INSC: variants seen among roughly 807,000 people sequenced by gnomAD.
INSC encodes the protein INSC spindle orientation adaptor protein, also known as protein inscuteable homolog.
In INSC, 67 loss-of-function variants were observed where a neutral mutation model predicts 58.6. That is an observed-to-expected ratio of 1.14 (90% confidence interval 0.94 to 1.40). The LOEUF (loss-of-function observed/expected upper bound fraction) is 1.40. Among genes scored for constraint, INSC ranks in the 40% most tolerant of loss-of-function variants. The probability of loss-of-function intolerance (pLI) is 0.00; values close to 1 mark genes in which losing one functional copy is unlikely to be tolerated. For synonymous variants in INSC, 262 were observed against 276.1 expected (o/e 0.95, Z 0.51); for missense variants, 714 against 692.0 (o/e 1.03, Z -0.36).
In INSC at chr11:15,225,712, A is replaced by C. The variant is rs756478543; in HGVS notation, c.1054A>C (p.Ile352Leu). Reference protein sequence around the residue: ...FLLASAALANITFFDTMACEM... With the variant: ...FLLASAALANLTFFDTMACEM... ...ACTGGCCTCTGCGGCCCTTGCCAAC[A>C]TCACGTTCTTTGACACAATGGCCTG... is the stretch of plus-strand genomic sequence containing the variant. The change falls in exon 9 of 13, where the codon ATC (isoleucine) becomes CTC (leucine). Residue 352 changes from isoleucine to leucine, a missense_variant. Transcript: ENST00000379556. 6.2e-7 allele frequency: 1 copy of C among 1,614,168 alleles called. No individual in the cohort carries two copies. Among genetic ancestry groups the C allele is most frequent in the Non-Finnish European group, 8.5e-7 (1 of 1,180,022 alleles).
At chr11:15,197,465 C>T (rs1319666401) in intron 6 of INSC, among the ~76,000 whole-genome samples, 2 of 152,170 alleles carry the variant, frequency 1.3e-5, no homozygotes, top group Admixed American at 1.3e-4. Flanking sequence ...CTGGCATGCC[C>T]TGCACAGCAT....
In INSC at chr11:15,132,567, A is replaced by G. The variant is rs562017342; in HGVS notation, c.-45-16563A>G. On this transcript the variant is annotated intron_variant, in intron 1 of 12. Coordinates refer to ENST00000379556, the MANE Select transcript of INSC (RefSeq NM_001042536.3). Reference sequence around the variant, plus strand: ...TTTCCTAAGTACTGGAATTACAGGCATGAGTCAACGTGCCCGGCCCTGTAA... The same window carrying G: ...TTTCCTAAGTACTGGAATTACAGGCGTGAGTCAACGTGCCCGGCCCTGTAA... Among the ~76,000 whole-genome samples, 162 of 152,306 alleles carry G rather than the reference A, an allele frequency of 1.1e-3. 1 individual carries two copies. The highest frequency in any genetic ancestry group is 3.3e-3 in the African/African-American group (139 of 41,566).
Position 15,175,942 on chromosome 11 carries a change from A to G in INSC, c.258A>G (p.Thr86=), listed in dbSNP as rs369057081. Residue 86 remains threonine (T), a synonymous_variant, in exon 3 of 13, where the codon ACA becomes ACG. Transcript: ENST00000379556. ...TCAAACGGGGTTGGGTCATTAGCAC[A>G]GAGCTGCGCAGGATCGGGCAGAAGC... ...LLLKRGWVIS[T]ELRRIGQKLA... is the part of the protein sequence containing the mutation. 5.1e-5 allele frequency: 82 copies of G among 1,614,054 alleles called. No homozygotes were observed. The highest frequency in any genetic ancestry group is 6.8e-5 in the Non-Finnish European group (80 of 1,180,012).
At chr11:15,202,470 A>G (rs1850630746) in intron 7 of INSC, among the ~76,000 whole-genome samples, 1 of 152,066 alleles carries the variant, frequency 6.6e-6, no homozygotes, top group Admixed American at 6.6e-5. Flanking sequence ...ATGGCAAAAT[A>G]GAGGAGTGGA....
At chr11:15,184,094 G>T (rs915836467) in intron 5 of INSC, among the ~76,000 whole-genome samples, 13 of 151,936 alleles carry the variant, frequency 8.6e-5, no homozygotes, top group Non-Finnish European at 1.9e-4. Flanking sequence ...ATTCCCTAAA[G>T]ACACCAAAGT....
chr11:15,241,523 A>T (rs781588809), intron 12 of INSC: 3 of 701,258 alleles, frequency 4.3e-6, no homozygotes, highest in South Asian at 3.0e-5. Flanking sequence ...ATTTTATTCA[A>T]TAAATGTTTA....
intron 1 of INSC, among the ~76,000 whole-genome samples, chr11:15,119,539 G>C (rs1847817075): frequency 6.6e-6 from 1 of 152,232 alleles, no homozygotes; most frequent in Admixed American, 6.5e-5. Context: ...GGCGTCAGCA[G>C]TTTGGCTGGG....
At chr11:15,268,504 T>TC in the INSC span, among the ~76,000 whole-genome samples, 1 of 152,012 alleles carries the variant, frequency 6.6e-6, no homozygotes, top group South Asian at 2.1e-4. Context: ...ACAATTAGAT[T>TC]CAAGAATCTG....
rs145976878 is a variant in INSC at position 15,229,641 on chromosome 11, A to G, written c.1170+3813A>G. 2.4e-3 allele frequency among the ~76,000 whole-genome samples: 372 copies of G among 152,106 alleles called. 2 individuals carry two copies. The highest frequency in any genetic ancestry group is 4.8e-3 in the Admixed American group (73 of 15,268). On this transcript the variant is annotated intron_variant, in intron 9 of 12. Coordinates refer to ENST00000379556, the MANE Select transcript of INSC (RefSeq NM_001042536.3). ...TACTTAGAAGCAAAGCGAATACCCAATAATGAATGGGATGGGTTCTCTAAC... is the reference window on the plus strand; with the variant it reads ...TACTTAGAAGCAAAGCGAATACCCAGTAATGAATGGGATGGGTTCTCTAAC...
At chr11:15,210,603 G>T (rs1212536773) in intron 7 of INSC, among the ~76,000 whole-genome samples, 1 of 150,972 alleles carries the variant, frequency 6.6e-6, no homozygotes, top group Non-Finnish European at 1.5e-5. Flanking sequence ...TCTCCTAGCT[G>T]GTCCCAAAGA....
intron 7 of INSC, among the ~76,000 whole-genome samples, chr11:15,207,693 GTC>G (rs985066826): frequency 2.0e-5 from 3 of 152,184 alleles, no homozygotes; most frequent in African/African-American, 7.2e-5. Context: ...TTTTACAGGG[GTC>G]TGTCTCCACT....
intron 1 of INSC, among the ~76,000 whole-genome samples, chr11:15,142,278 T>C (rs1848389914): frequency 6.6e-6 from 1 of 152,194 alleles, no homozygotes; most frequent in African/African-American, 2.4e-5. Flanking sequence ...TTTTTCTGCA[T>C]TCCCGTGCTA....
At chr11:15,182,509 C>G (rs1849816827) in intron 5 of INSC, among the ~76,000 whole-genome samples, 3 of 152,140 alleles carry the variant, frequency 2.0e-5, no homozygotes, top group African/African-American at 7.2e-5. Context: ...GGCATTTGAA[C>G]TGTTTTCCTT....
chr11:15,146,892 G>A (rs1372147978), intron 1 of INSC, among the ~76,000 whole-genome samples: 3 of 152,112 alleles, frequency 2.0e-5, no homozygotes, highest in African/African-American at 7.2e-5. Flanking sequence ...TTGAATCAGA[G>A]TCAGAGTTTC....
At chr11:15,214,063 C>T (rs1051350057) in intron 7 of INSC, among the ~76,000 whole-genome samples, 3 of 152,208 alleles carry the variant, frequency 2.0e-5, no homozygotes, top group Non-Finnish European at 2.9e-5. Context: ...GCCTCTGACC[C>T]ATGGGTTTAT....
Position 15,221,571 on chromosome 11 carries a change from C to T in INSC, c.914C>T (p.Thr305Ile), listed in dbSNP as rs1196561465. The change falls in exon 8 of 13, where the codon ACC becomes ATC. Residue 305 changes from threonine to isoleucine, a missense_variant. Transcript: ENST00000379556. Reference sequence around the variant, plus strand: ...GCTGCGGCTGTGGTGGCCCAGGTCACCTCCCCACACCTGCCCGTCACCCAG... The same window carrying T: ...GCTGCGGCTGTGGTGGCCCAGGTCATCTCCCCACACCTGCCCGTCACCCAG... ...AEAAAVVAQV[T>I]SPHLPVTQHL... 3 of 1,614,022 alleles carry T rather than the reference C, an allele frequency of 1.9e-6. No individual in the cohort carries two copies. Among genetic ancestry groups the T allele is most frequent in the Non-Finnish European group, 1.7e-6 (2 of 1,179,976 alleles).
At chr11:15,262,501 G>A in the INSC span, among the ~76,000 whole-genome samples, 1,713 of 152,198 alleles carry the variant, frequency 0.011, 18 homozygotes, top group Middle Eastern at 0.037. Context: ...CTCAGTATAA[G>A]GGTAAGTTAG....
At chr11:15,226,410 G>A (rs1851641176) in intron 9 of INSC, among the ~76,000 whole-genome samples, 1 of 152,110 alleles carries the variant, frequency 6.6e-6, no homozygotes, top group Admixed American at 6.6e-5. Context: ...GGTAGAAAGG[G>A]GGTTTTACTA....
intron 7 of INSC, among the ~76,000 whole-genome samples, chr11:15,210,920 C>T (rs1377934853): frequency 1.3e-5 from 2 of 152,072 alleles, no homozygotes; most frequent in Non-Finnish European, 2.9e-5. Flanking sequence ...CTGGCACTGA[C>T]AGTGCAGCAT....
Sources: allele counts gnomAD v4.1 joint callset (sites outside exome capture counted in the v4.1 genomes callset), GRCh38; gene constraint gnomAD v4.1.1; transcripts MANE v1.5; gene names NCBI Gene and HGNC (gene_info 2026-07-23, HGNC 2026-07-21).